RPS6KA2: variants seen among roughly 807,000 people sequenced by gnomAD.
RPS6KA2 encodes ribosomal protein S6 kinase alpha-2.
Under a neutral mutation model 91.8 loss-of-function variants are expected in RPS6KA2, and 42 were observed. The observed-to-expected ratio is 0.46, with a 90% CI of 0.36 to 0.59. The LOEUF is 0.59. Among genes scored for constraint, RPS6KA2 ranks in the 20% least tolerant of loss-of-function variants. The pLI is 0.00. For missense variants in RPS6KA2, 798 were observed against 978.5 expected, an observed-to-expected ratio of 0.82 and a Z score of 2.46; for synonymous variants, 414 against 393.6, an observed-to-expected ratio of 1.05 and a Z score of -0.61.
At chr6:166,497,501 G>A (rs1256259772) in intron 8 of RPS6KA2, among the ~76,000 whole-genome samples, 4 of 152,250 alleles carry the variant, frequency 2.6e-5, no homozygotes, top group Non-Finnish European at 5.9e-5. Flanking sequence ...TGCCCCTCGC[G>A]GAGAGGTGAG....
intron 3 of RPS6KA2, among the ~76,000 whole-genome samples, chr6:166,511,454 G>A (rs1782477837): frequency 6.6e-6 from 1 of 152,128 alleles, no homozygotes; most frequent in Admixed American, 6.5e-5. Flanking sequence ...ATTCTTCTTA[G>A]TGCTCACACT....
chr6:166,500,708 T>C lies in RPS6KA2; in HGVS notation c.604+179A>G, dbSNP rs772227564. On this transcript the variant is annotated intron_variant, in intron 7 of 20. Transcript: ENST00000265678. The surrounding 1 kb of genome is among the most constrained non-coding windows in gnomAD (Gnocchi z 4.3). ...CCGGGAAGCTGCATGGGTCTGGACG[T>C]TATGAAGACATACAATGCCATAAGC... Among the ~76,000 whole-genome samples, 22 of 151,964 alleles carry C rather than the reference T, an allele frequency of 1.4e-4. No individual in the cohort carries two copies. The highest frequency in any genetic ancestry group is 2.6e-4 in the Non-Finnish European group (18 of 67,976).
At chr6:166,787,797 T>C (rs914555509) in intron 2 of RPS6KA2, among the ~76,000 whole-genome samples, 4 of 151,958 alleles carry the variant, frequency 2.6e-5, no homozygotes, top group African/African-American at 9.7e-5. Context: ...CCAAAAGCAA[T>C]GGCAACAAAA....
intron 2 of RPS6KA2, among the ~76,000 whole-genome samples, chr6:166,656,838 G>A (rs1788016089): frequency 6.6e-6 from 1 of 152,178 alleles, no homozygotes; most frequent in African/African-American, 2.4e-5. Context: ...CAGATTCACC[G>A]CGGTGCATGT....
intron 1 of RPS6KA2, among the ~76,000 whole-genome samples, chr6:166,550,994 C>CAAAAAAAAAAAAAAAAAAAAAAA (rs58796308): frequency 2.0e-4 from 21 of 106,362 alleles, no homozygotes; most frequent in South Asian, 3.7e-4. Context: ...GACTCTATCT[C>CAAAAAAAAAAAAAAAAAAAAAAA]AAAAAAAAAA....
intron 2 of RPS6KA2, among the ~76,000 whole-genome samples, chr6:166,660,173 T>C (rs1788120871): frequency 6.6e-6 from 1 of 152,232 alleles, no homozygotes; most frequent in Non-Finnish European, 1.5e-5. Context: ...CATTGTTTCA[T>C]AAATTAGATG....
chr6:166,576,655 G>A (rs1023384829), intron 1 of RPS6KA2, among the ~76,000 whole-genome samples: 1 of 152,200 alleles, frequency 6.6e-6, no homozygotes, highest in Non-Finnish European at 1.5e-5. Flanking sequence ...GCATTCAAGA[G>A]GTGACTTGGG....
intron 14 of RPS6KA2, among the ~76,000 whole-genome samples, chr6:166,442,587 G>A (rs6915132): frequency 0.23 from 35,671 of 151,982 alleles, 4,724 homozygotes; most frequent in Middle Eastern, 0.35. Flanking sequence ...CGTAACTCTC[G>A]TCACCATATT....
At chr6:166,454,200 G>T (rs1023351044) in intron 12 of RPS6KA2, among the ~76,000 whole-genome samples, 3 of 152,118 alleles carry the variant, frequency 2.0e-5, no homozygotes, top group Non-Finnish European at 4.4e-5. Flanking sequence ...GAAATTTACA[G>T]AAATAAAAAA....
At chr6:166,842,359 G>A (rs1780506000) in intron 2 of RPS6KA2, among the ~76,000 whole-genome samples, 1 of 152,204 alleles carries the variant, frequency 6.6e-6, no homozygotes. Context: ...ACCATGTGAA[G>A]ATGGAGGTGG....
chr6:166,477,142 T>C (rs1293705796), intron 10 of RPS6KA2, among the ~76,000 whole-genome samples: 1 of 152,206 alleles, frequency 6.6e-6, no homozygotes, highest in Non-Finnish European at 1.5e-5. Flanking sequence ...GCGCCCTCCC[T>C]GGATAAAGGC....
rs73035552 is a variant in RPS6KA2 at position 166,783,812 on chromosome 6, C to T, written c.123+74388G>A. On this transcript the variant is annotated intron_variant, in intron 2 of 21. Transcript: ENST00000503859. ...TACATATATACACGTGCACAGTTAC[C>T]TGTAACCACATATGCACACGTGCAC... Among the ~76,000 whole-genome samples the T allele has an allele frequency of 6.7e-3, 660 of 98,708 alleles. 21 individuals carry two copies. The highest frequency in any genetic ancestry group is 0.023 in the African/African-American group (613 of 26,208). 64.8% of individuals were successfully genotyped at this position (98,708 alleles called of 152,430 possible). A position where few individuals can be genotyped will look rare whatever the true frequency, so the allele number is the denominator to read the frequency against.
chr6:166,502,215 G>A (rs1782052536), intron 6 of RPS6KA2, among the ~76,000 whole-genome samples: 1 of 151,988 alleles, frequency 6.6e-6, no homozygotes, highest in African/African-American at 2.4e-5. Context: ...AAAGTCATGT[G>A]TATTTTTCTA....
At chr6:166,614,654 C>T (rs80307212) in intron 1 of RPS6KA2, among the ~76,000 whole-genome samples, 3 of 152,362 alleles carry the variant, frequency 2.0e-5, no homozygotes, top group East Asian at 1.9e-4. Flanking sequence ...TTGTGGAGAT[C>T]GGAAGTTCGG....
At chr6:166,573,261 C>T (rs1784742802) in intron 1 of RPS6KA2, among the ~76,000 whole-genome samples, 1 of 152,224 alleles carries the variant, frequency 6.6e-6, no homozygotes, top group African/African-American at 2.4e-5. Flanking sequence ...GCGCTCACCA[C>T]CTCTGGTTAG....
intron 1 of RPS6KA2, among the ~76,000 whole-genome samples, chr6:166,553,433 T>C (rs922384361): frequency 8.1e-5 from 12 of 148,048 alleles, no homozygotes; most frequent in African/African-American, 2.7e-4. Context: ...CTCCACTTAC[T>C]CATGTTTAGT....
intron 1 of RPS6KA2, among the ~76,000 whole-genome samples, chr6:166,583,503 C>A (rs960145): frequency 0.6 from 90,911 of 152,114 alleles, 28,979 homozygotes; most frequent in African/African-American, 0.81. Context: ...TCTCTGAGCT[C>A]TGGCCAGGCC....
At chr6:166,810,455 T>C (rs1284794656) in intron 2 of RPS6KA2, among the ~76,000 whole-genome samples, 3 of 152,094 alleles carry the variant, frequency 2.0e-5, no homozygotes, top group Non-Finnish European at 2.9e-5. Context: ...AACAGATACA[T>C]AGAGAGATGC....
chr6:166,684,051 G>C (rs377235340), intron 2 of RPS6KA2, among the ~76,000 whole-genome samples: 28 of 152,298 alleles, frequency 1.8e-4, no homozygotes, highest in African/African-American at 6.7e-4. Context: ...GAGTCTATAA[G>C]GAGGTGTTGT....
Sources: gnomAD v4.1 joint callset for allele counts (sites outside exome capture counted in the v4.1 genomes callset) on GRCh38, gnomAD v4.1.1 for gene constraint, Gnocchi (gnomAD v3.1) non-coding constraint, MANE v1.5 for transcripts, NCBI Gene and HGNC (gene_info 2026-07-23, HGNC 2026-07-21) for gene names.